PHYH: variants seen among roughly 807,000 people sequenced by gnomAD.
The protein encoded by PHYH is phytanoyl-CoA dioxygenase, peroxisomal.
PHYH carries 32 observed loss-of-function variants against 38.5 expected under a neutral mutation model. The ratio of observed to expected loss-of-function variants is 0.83; its 90% CI spans 0.63 to 1.12. PHYH has a LOEUF of 1.12. Among genes scored for constraint, PHYH ranks in the 50% most tolerant of loss-of-function variants. PHYH has a pLI of 0.00. For missense variants in PHYH, 426 were observed against 434.8 expected, an observed-to-expected ratio of 0.98 and a Z score of 0.18; for synonymous variants, 166 against 157.9, an observed-to-expected ratio of 1.05 and a Z score of -0.38.
chr10:13,289,430 C>A (rs1218826993), intron 5 of PHYH, among the ~76,000 whole-genome samples: 2 of 152,018 alleles, frequency 1.3e-5, no homozygotes, highest in African/African-American at 4.8e-5. Flanking sequence ...CTCCTGACCT[C>A]GTGATCCGCC....
chr10:13,291,058 C>G (rs1401500952), intron 5 of PHYH, among the ~76,000 whole-genome samples: 2 of 133,822 alleles, frequency 1.5e-5, no homozygotes, highest in Non-Finnish European at 3.0e-5. Context: ...GAGCCAAGAT[C>G]GCGCTATCGC....
At chr10:13,295,389 C>T in intron 3 of PHYH, 107 bp downstream of exon 3, 1 of 732,106 alleles carries the variant, frequency 1.4e-6, no homozygotes, top group Non-Finnish European at 2.5e-6. Flanking sequence ...TCCCAACAAA[C>T]CAAATCATTA....
rs1835328034 is a variant in PHYH at position 13,278,016 on chromosome 10, G to T, written c.*285C>A. 2 of 411,026 alleles carry T rather than the reference G, an allele frequency of 4.9e-6. No homozygotes were observed. Among genetic ancestry groups the T allele is most frequent in the African/African-American group, 2.0e-5 (1 of 49,084 alleles). The allele number at this position is 411,026 out of a possible 1,614,324, so 25.5% of individuals were successfully genotyped here. A position where few individuals can be genotyped will look rare whatever the true frequency, so the allele number is the denominator to read the frequency against. On this transcript the variant is annotated 3_prime_UTR_variant, in exon 9 of 9. Transcript: ENST00000263038. Reference sequence around the variant, plus strand: ...TGGGTAAAGAGCTAACTGAATGAAAGAAATTGATTTAACACTTAAATTAGA... The same window carrying T: ...TGGGTAAAGAGCTAACTGAATGAAATAAATTGATTTAACACTTAAATTAGA...
Position 13,299,925 on chromosome 10 carries a change from C to T in PHYH, c.75+43G>A, listed in dbSNP as rs186015759. On this transcript the variant is annotated intron_variant, in intron 1 of 8. Coordinates refer to ENST00000263038, the MANE Select transcript of PHYH (RefSeq NM_006214.4). ...AGGGCCACCACTCAGGCGGCGGCGCCGGCGCCGGATCCAGCCCGAGCCCCG... is the reference window on the plus strand; with the variant it reads ...AGGGCCACCACTCAGGCGGCGGCGCTGGCGCCGGATCCAGCCCGAGCCCCG... 56 of 1,492,210 alleles carry T rather than the reference C, an allele frequency of 3.8e-5. 1 individual carries two copies. Among genetic ancestry groups the T allele is most frequent in the Admixed American group, 8.7e-5 (4 of 45,904 alleles). The allele number at this position is 1,492,210 out of a possible 1,614,324, so 92.4% of individuals were successfully genotyped here.
In PHYH at chr10:13,288,556, T is replaced by C. The variant is rs753601955; in HGVS notation, c.497-15A>G. On this transcript the variant is annotated splice_polypyrimidine_tract_variant and intron_variant, in intron 5 of 8. Coordinates refer to ENST00000263038, the MANE Select transcript of PHYH (RefSeq NM_006214.4). ...CGTCTTCTTGCCTGAAAAGAAAACC[T>C]GCTACTAAAGGATACTCGAGGCCGA... The C allele has an allele frequency of 1.9e-6, 3 of 1,613,368 alleles. No individual in the cohort carries two copies. The highest frequency in any genetic ancestry group is 1.7e-5 in the Admixed American group (1 of 60,002).
Position 13,287,519 on chromosome 10 carries a change from C to T in PHYH, c.678+841G>A, listed in dbSNP as rs146390001. On this transcript the variant is annotated intron_variant, in intron 6 of 8. Transcript: ENST00000263038. Reference sequence around the variant, plus strand: ...ACCTCCTCTGCTGCTCCCCAAAATACACCCCCAGCGCCCAGCCCATCTAGA... The same window carrying T: ...ACCTCCTCTGCTGCTCCCCAAAATATACCCCCAGCGCCCAGCCCATCTAGA... 1.1e-4 allele frequency among the ~76,000 whole-genome samples: 16 copies of T among 152,248 alleles called. No homozygotes were observed. The East Asian group carries it at 3.1e-3, about 29-fold the overall frequency.
At chr10:13,299,737 G>A in intron 1 of PHYH, 1 of 1,307,198 alleles carries the variant, frequency 7.6e-7, no homozygotes, top group Non-Finnish European at 9.7e-7. Context: ...GGGCAACGCG[G>A]CAATTGCCCC....
intron 6 of PHYH, among the ~76,000 whole-genome samples, chr10:13,286,699 C>CAA (rs33995270): frequency 6.0e-5 from 7 of 116,756 alleles, no homozygotes; most frequent in South Asian, 5.6e-4. Context: ...GACTCTGTCT[C>CAA]AAAAAAAAAA....
rs1183779938 is a variant in PHYH, at chr10:13,300,021, C to T, written c.22G>A (p.Ala8Thr). ...TGGCCCAGAACAATCTGCAGACGGG[C>T]GGCGGCGCGAAGCTGCTCCATGGCT... is the stretch of plus-strand genomic sequence containing the variant. MEQLRAA[A>T]RLQIVLGHLG... Residue 8 changes from alanine to threonine, a missense_variant, in exon 1 of 9, where the codon GCC (alanine) becomes ACC (threonine). Physicochemically the swap from Ala to Thr is moderately conservative, Grantham distance 58. Coordinates refer to ENST00000263038, the MANE Select transcript of PHYH (RefSeq NM_006214.4). 1 of 1,532,350 alleles carries T rather than the reference C, an allele frequency of 6.5e-7. No individual in the cohort carries two copies. The highest frequency in any genetic ancestry group is 1.4e-5 in the African/African-American group (1 of 72,066). The allele number at this position is 1,532,350 out of a possible 1,614,324, so 94.9% of individuals were successfully genotyped here.
chr10:13,292,077 T>C (rs779804616), intron 4 of PHYH, among the ~76,000 whole-genome samples, 165 bp from the exon 5 acceptor site: 21 of 152,308 alleles, frequency 1.4e-4, no homozygotes, highest in African/African-American at 2.9e-4. Flanking sequence ...AACCCAGCCA[T>C]TGGAAATCAT....
chr10:13,283,913 G>A, intron 6 of PHYH, 74 bp from the exon 7 acceptor site: 2 of 1,244,500 alleles, frequency 1.6e-6, no homozygotes, highest in Non-Finnish European at 2.4e-6. Context: ...GGTTCATCAG[G>A]GAAAGCAAAC....
intron 4 of PHYH, among the ~76,000 whole-genome samples, chr10:13,292,215 A>G (rs973212524): frequency 6.6e-6 from 1 of 152,194 alleles, no homozygotes; most frequent in Non-Finnish European, 1.5e-5. Context: ...AACCCAAGCA[A>G]CAGAAGGTTG....
chr10:13,288,922 CAAA>C (rs36019637), intron 5 of PHYH, among the ~76,000 whole-genome samples: 185 of 40,934 alleles, frequency 4.5e-3, no homozygotes, highest in Non-Finnish European at 5.5e-3. Flanking sequence ...CACCCCCAAC[CAAA>C]AAAAAAAAAA....
intron 1 of PHYH, chr10:13,299,697 A>G (rs1832695807): frequency 7.8e-7 from 1 of 1,274,482 alleles, no homozygotes; most frequent in South Asian, 2.3e-5. Flanking sequence ...CAAAGAGAGG[A>G]GCAGAGGCCC....
intron 4 of PHYH, among the ~76,000 whole-genome samples, chr10:13,292,350 A>T (rs1396854755): frequency 1.3e-5 from 2 of 152,282 alleles, no homozygotes; most frequent in Middle Eastern, 3.4e-3. Context: ...ACATTTGACA[A>T]TCGGGGACGC....
intron 6 of PHYH, among the ~76,000 whole-genome samples, chr10:13,287,197 GGT>G (rs1835573612): frequency 6.6e-6 from 1 of 151,912 alleles, no homozygotes; most frequent in East Asian, 1.9e-4. Flanking sequence ...AAATTAGCTG[GGT>G]GTGGTGGTGC....
chr10:13,291,685 G>A, intron 5 of PHYH, 146 bp downstream of exon 5: 1 of 678,822 alleles, frequency 1.5e-6, no homozygotes, highest in South Asian at 1.6e-5. Context: ...TCACTATGTT[G>A]CCCAGGCCAC....
intron 4 of PHYH, among the ~76,000 whole-genome samples, chr10:13,292,707 C>T (rs1399434498): frequency 3.9e-5 from 6 of 151,966 alleles, no homozygotes; most frequent in South Asian, 2.1e-4. Flanking sequence ...CCGAGGCGGG[C>T]GGATCACTTG....
chr10:13,298,718 C>CACTACTACTACT (rs56043624), intron 1 of PHYH, among the ~76,000 whole-genome samples: 8,984 of 93,224 alleles, frequency 0.096, 659 homozygotes, highest in Non-Finnish European at 0.11. Context: ...AAACTACCAC[C>CACTACTACTACT]ACTACTACTA....
Sources: allele counts gnomAD v4.1 joint callset (sites outside exome capture counted in the v4.1 genomes callset), GRCh38; gene constraint gnomAD v4.1.1; transcripts MANE v1.5; gene names NCBI Gene and HGNC (gene_info 2026-07-23, HGNC 2026-07-21).